The following MCM7 variants were observed in gnomAD, a reference collection of about 807,000 sequenced individuals.
MCM7 encodes minichromosome maintenance complex component 7.
A neutral mutation model predicts 83.5 loss-of-function variants in MCM7; 95 were observed. The observed-to-expected ratio is 1.14, with a 90% confidence interval of 0.96 to 1.35. MCM7 has a LOEUF of 1.35. Ranked by LOEUF, MCM7 falls within the 40% of genes most tolerant of loss-of-function variation. The probability of loss-of-function intolerance (pLI) is 0.00; values close to 1 mark genes in which losing one functional copy is unlikely to be tolerated. For missense variants in MCM7, 1,087 were observed against 957.4 expected (o/e 1.14, Z -1.79); for synonymous variants, 461 against 352.7 (o/e 1.31, Z -3.44).
rs1252743154 is a variant in MCM7, at chr7:100,094,175, G to C, written c.1846C>G (p.Leu616Val). 6.2e-7 allele frequency: 1 copy of C among 1,614,208 alleles called. No homozygotes were observed. Among genetic ancestry groups the C allele is most frequent in the Non-Finnish European group, 8.5e-7 (1 of 1,180,024 alleles). The change falls in exon 13 of 15, where the codon CTG becomes GTG. Residue 616 changes from leucine to valine, a missense_variant and splice_region_variant. By Grantham distance (32) the Leu-to-Val change is conservative (BLOSUM62 1). Coordinates refer to ENST00000303887, the MANE Select transcript of MCM7 (RefSeq NM_005916.5). ...LLAILRLSTA[L>V]ARLRMVDVVE... The stretch of plus-strand genomic sequence containing the variant: ...CCTCCAGCAATTTGGGCACTTACCA[G>C]AGCAGTGGAAAGGCGCAGGATAGCC...
rs1234931741 is a variant in MCM7 at position 100,098,660 on chromosome 7, G to C, written c.638C>G (p.Thr213Ser). 1 of 1,614,126 alleles carries C rather than the reference G, an allele frequency of 6.2e-7. No individual in the cohort carries two copies. Among genetic ancestry groups the C allele is most frequent in the Admixed American group, 1.7e-5 (1 of 59,986 alleles). ...ATACAGCCGCCCTCCTGAGCGGTTG[G>C]TTTGGCACTCCTGGCTTGGGCACAT... Reference protein sequence around the residue: ...LIMCPSQECQTNRSGGRLYLQ... With the variant: ...LIMCPSQECQSNRSGGRLYLQ... Residue 213 changes from threonine to serine, a missense_variant, in exon 6 of 15, where the codon ACC (threonine) becomes AGC (serine). By Grantham distance (58) the Thr-to-Ser change is moderately conservative. Transcript: ENST00000303887.
chr7:100,099,665 C>G lies in MCM7; in HGVS notation c.200G>C (p.Cys67Ser). The G allele has an allele frequency of 6.2e-7, 1 of 1,614,206 alleles. No homozygotes were observed. Among genetic ancestry groups the G allele is most frequent in the South Asian group, 1.1e-5 (1 of 91,088 alleles). The change falls in exon 3 of 15, where the codon TGT (cysteine) becomes TCT (serine). Residue 67 changes from cysteine (C) to serine (S), a missense_variant. By Grantham distance (112) the Cys-to-Ser change is moderately radical (BLOSUM62 -1). Coordinates refer to ENST00000303887, the MANE Select transcript of MCM7 (RefSeq NM_005916.5). Reference protein sequence around the residue: ...EDDPELVDSICENARRYAKLF... With the variant: ...EDDPELVDSISENARRYAKLF... ...CTTCGCGTAGCGCCTGGCATTCTCACAAATTGAGTCCACCAACTCGGGGTC... is the reference window on the plus strand; with the variant it reads ...CTTCGCGTAGCGCCTGGCATTCTCAGAAATTGAGTCCACCAACTCGGGGTC...
chr7:100,093,475 C>A, intron 13 of MCM7, 74 bp from the exon 14 acceptor site: 1 of 1,400,336 alleles, frequency 7.1e-7, no homozygotes, highest in South Asian at 1.2e-5. Context: ...CACCCTTGTT[C>A]TGGCTTTAAG....
intron 11 of MCM7, 59 bp downstream of exon 11, chr7:100,095,715 C>T (rs1795593520): frequency 2.0e-6 from 3 of 1,505,630 alleles, no homozygotes; most frequent in Middle Eastern, 2.3e-4. Context: ...ATTCACCTCT[C>T]CTCCTCCCTA....
rs527942008 is a variant in MCM7 at position 100,097,690 on chromosome 7, A to G, written c.1041T>C (p.His347=). The G allele has an allele frequency of 7.1e-5, 114 of 1,614,124 alleles. 1 individual carries two copies. The South Asian group carries it at 1.2e-3, about 16-fold the overall frequency. Residue 347 remains histidine, a synonymous_variant, in exon 9 of 15, where the codon CAT becomes CAC. Coordinates refer to ENST00000303887, the MANE Select transcript of MCM7 (RefSeq NM_005916.5). Reference sequence around the variant, plus strand: ...GCAGCAGTGCCTTCTTCACATCTTCATGCCCGTATATTTCTGGGGCGATTG... The same window carrying G: ...GCAGCAGTGCCTTCTTCACATCTTCGTGCCCGTATATTTCTGGGGCGATTG... The part of the protein sequence containing the change: ...AASIAPEIYG[H]EDVKKALLLL...
rs563418025 is a variant in MCM7, at chr7:100,099,643, C to T, written c.222G>A (p.Ala74=). 3 of 1,614,154 alleles carry T rather than the reference C, an allele frequency of 1.9e-6. No individual in the cohort carries two copies. The highest frequency in any genetic ancestry group is 2.2e-5 in the South Asian group (2 of 91,080). ...DSICENARRY[A]KLFADAVQEL... The stretch of plus-strand genomic sequence containing the variant: ...CTTGTACGGCATCAGCAAAGAGCTT[C>T]GCGTAGCGCCTGGCATTCTCACAAA... Residue 74 remains alanine, a synonymous_variant, in exon 3 of 15, where the codon GCG becomes GCA. Coordinates refer to ENST00000303887, the MANE Select transcript of MCM7 (RefSeq NM_005916.5).
Position 100,093,389 on chromosome 7 carries a change from TTCTCA to T in MCM7, c.1856_1860del (p.Leu619HisfsTer12), listed in dbSNP as rs1332986579. On this transcript the variant is annotated frameshift_variant, in exon 14 of 15. Coordinates refer to ENST00000303887, the MANE Select transcript of MCM7 (RefSeq NM_005916.5). LOFTEE classifies it high-confidence loss of function. ...TCTTCTTTCTCCACCACATCCACCATTCTCAGACGTGCCTAAGGGGAAGGTAGGGG... is the reference window on the plus strand; with the variant it reads ...TCTTCTTTCTCCACCACATCCACCATGACGTGCCTAAGGGGAAGGTAGGGG... The T allele has an allele frequency of 1.2e-6, 2 of 1,614,086 alleles. No individual in the cohort carries two copies. The highest frequency in any genetic ancestry group is 1.7e-6 in the Non-Finnish European group (2 of 1,180,002).
intron 11 of MCM7, 99 bp downstream of exon 11, chr7:100,095,675 G>A: frequency 6.8e-7 from 1 of 1,464,830 alleles, no homozygotes; most frequent in East Asian, 2.3e-5. Flanking sequence ...GAGGCTCTGG[G>A]GTTTCCAGGA....
intron 1 of MCM7, chr7:100,100,881 G>A (rs1795974201): frequency 9.5e-7 from 1 of 1,051,080 alleles, no homozygotes; most frequent in Non-Finnish European, 1.1e-6. Context: ...GCGCGCCTGG[G>A]GAGGGCGCGG....
chr7:100,098,995 G>A, intron 5 of MCM7, 28 bp downstream of exon 5: 3 of 1,612,928 alleles, frequency 1.9e-6, no homozygotes, highest in Non-Finnish European at 1.7e-6. Context: ...ATGGGTAAGT[G>A]CTTTCCTGCT....
rs4776 is a variant in MCM7 at position 100,093,112 on chromosome 7, C to G, written c.1980G>C (p.Val660=). Residue 660 remains valine (V), a synonymous_variant, in exon 15 of 15, where the codon GTG becomes GTC. Coordinates refer to ENST00000303887, the MANE Select transcript of MCM7 (RefSeq NM_005916.5). ...CCAGTTCACGGACGGTGGCAAATAT[C>G]ACATCTGCTGGTCTCTGAGTCCTGA... ...QTARTQRPAD[V]IFATVRELVS... is the part of the protein sequence containing the mutation. 6.2e-7 allele frequency: 1 copy of G among 1,614,048 alleles called. No individual in the cohort carries two copies. Among genetic ancestry groups the G allele is most frequent in the Admixed American group, 1.7e-5 (1 of 59,990 alleles).
rs1022875169 is a variant in MCM7 at position 100,097,818 on chromosome 7, C to A, written c.985+16G>T. 2.5e-6 allele frequency: 4 copies of A among 1,614,112 alleles called. No individual in the cohort carries two copies. Among genetic ancestry groups the A allele is most frequent in the Non-Finnish European group, 3.4e-6 (4 of 1,179,970 alleles). On this transcript the variant is annotated intron_variant, in intron 8 of 14. Transcript: ENST00000303887. The stretch of plus-strand genomic sequence containing the variant: ...AGGATGTAAACGGAATTTCCTCTCT[C>A]TCCCCTGCCCCTCACCTGCAATTTG...
intron 1 of MCM7, chr7:100,100,913 C>G: frequency 9.4e-7 from 1 of 1,061,988 alleles, no homozygotes; most frequent in African/African-American, 1.7e-5. Flanking sequence ...TGCCCAAAAG[C>G]GCGAAGGAAA....
rs147404515 is a variant in MCM7, at chr7:100,099,696, C to T, written c.169G>A (p.Glu57Lys). 1.8e-4 allele frequency: 290 copies of T among 1,614,220 alleles called. No individual in the cohort carries two copies. The highest frequency in any genetic ancestry group is 2.2e-4 in the Non-Finnish European group (264 of 1,180,050). ...GAGTCCACCAACTCGGGGTCATCCT[C>T]GGCTACGTCGTCCAGGTCCACATAC... ...ALYVDLDDVA[E>K]DDPELVDSIC... The change falls in exon 3 of 15, where the codon GAG (glutamate) becomes AAG (lysine). Residue 57 changes from glutamate (E) to lysine (K), a missense_variant. By Grantham distance (56) the Glu-to-Lys change is moderately conservative. Coordinates refer to ENST00000303887, the MANE Select transcript of MCM7 (RefSeq NM_005916.5).
At chr7:100,099,253 C>T (rs367824855) in intron 4 of MCM7, 26 bp downstream of exon 4, 1 of 1,614,046 alleles carries the variant, frequency 6.2e-7, no homozygotes, top group African/African-American at 1.3e-5. Context: ...CCAATCCCTA[C>T]ATCTTTCCCG....
chr7:100,099,464 C>T (rs1795826480), intron 3 of MCM7, 61 bp from the exon 4 acceptor site: 5 of 1,579,838 alleles, frequency 3.2e-6, no homozygotes, highest in Non-Finnish European at 4.3e-6. Flanking sequence ...AAGGAGAGCA[C>T]AGAGAACACC....
rs1475031499 is a variant in MCM7, at chr7:100,095,489, A to T, written c.1596-19T>A. 1 of 1,611,792 alleles carries T rather than the reference A, an allele frequency of 6.2e-7. No homozygotes were observed. The highest frequency in any genetic ancestry group is 1.7e-5 in the Admixed American group (1 of 59,884). On this transcript the variant is annotated intron_variant, in intron 11 of 14. Coordinates refer to ENST00000303887, the MANE Select transcript of MCM7 (RefSeq NM_005916.5). ...GGCCAACCTGGACAGAGGGAAGGTTAGAAGGAACACCCTTTTTAGGGCTAC... is the reference window on the plus strand; with the variant it reads ...GGCCAACCTGGACAGAGGGAAGGTTTGAAGGAACACCCTTTTTAGGGCTAC...
rs774787333 is a variant in MCM7 at position 100,098,698 on chromosome 7, G to A, written c.600C>T (p.Phe200=). The A allele has an allele frequency of 5.0e-6, 8 of 1,614,196 alleles. No individual in the cohort carries two copies. Among genetic ancestry groups the A allele is most frequent in the Middle Eastern group, 1.6e-4 (1 of 6,062 alleles). ...ETYQPIQSPT[F]MPLIMCPSQE... ...GGCTTGGGCACATGATCAGAGGCAT[G>A]AAAGTGGGAGACTGGATCTAGGATG... is the stretch of plus-strand genomic sequence containing the variant. Residue 200 remains phenylalanine (F), a synonymous_variant, in exon 6 of 15, where the codon TTC becomes TTT. Transcript: ENST00000303887.
chr7:100,093,226 C>G (rs115964837), intron 14 of MCM7, 66 bp downstream of exon 14: 67 of 1,594,130 alleles, frequency 4.2e-5, no homozygotes, highest in Non-Finnish European at 4.6e-5. Flanking sequence ...AGAATTGAGG[C>G]CAACCTCAGA....
Sources: gnomAD v4.1 joint callset for allele counts on GRCh38, gnomAD v4.1.1 for gene constraint, MANE v1.5 for transcripts, NCBI Gene and HGNC (gene_info 2026-07-23, HGNC 2026-07-21) for gene names.